Variants in DUSP14 observed in about 807,000 individuals in gnomAD.
DUSP14 encodes the protein dual specificity phosphatase 14, also known as dual specificity protein phosphatase 14.
Under a neutral mutation model 13.2 loss-of-function variants are expected in DUSP14, and 5 were observed. The ratio of observed to expected loss-of-function variants is 0.38; its 90% CI spans 0.20 to 0.80. The LOEUF (loss-of-function observed/expected upper bound fraction) is 0.80. Among genes scored for constraint, DUSP14 ranks in the 30% least tolerant of loss-of-function variants. The pLI, the probability that DUSP14 is intolerant of heterozygous loss-of-function variation, is 0.44. For synonymous variants in DUSP14, 91 were observed against 103.4 expected (o/e 0.88, Z 0.73); for missense variants, 185 against 264.0 (o/e 0.70, Z 2.07).
At chr17:37,498,045 C>CAAA in intron 1 of DUSP14, among the ~76,000 whole-genome samples, 1 of 116,912 alleles carries the variant, frequency 8.6e-6, no homozygotes, top group South Asian at 2.6e-4. Flanking sequence ...GACCCTGTCT[C>CAAA]AAAAAAAAAA....
chr17:37,503,851 C>A (rs1358886829), intron 1 of DUSP14, among the ~76,000 whole-genome samples: 1 of 152,034 alleles, frequency 6.6e-6, no homozygotes, highest in African/African-American at 2.4e-5. Flanking sequence ...GTGTACTGCC[C>A]CTCTCCTTCT....
rs938006168 is a variant in DUSP14, at chr17:37,512,928, G to C, written c.*59G>C. 1 of 1,401,404 alleles carries C rather than the reference G, an allele frequency of 7.1e-7. No individual in the cohort carries two copies. Among genetic ancestry groups the C allele is most frequent in the Non-Finnish European group, 9.9e-7 (1 of 1,013,754 alleles). 86.8% of individuals were successfully genotyped at this position (1,401,404 alleles called of 1,614,324 possible). On this transcript the variant is annotated 3_prime_UTR_variant, in exon 3 of 3. Coordinates refer to ENST00000617516, the MANE Select transcript of DUSP14 (RefSeq NM_007026.4). This position sits in a 1 kb window ranked among gnomAD's most constrained non-coding sequence, Gnocchi z 4.8. The stretch of plus-strand genomic sequence containing the variant: ...GGCCGGCATCTGCTCCCCGCCGTCT[G>C]CTCCCTCTCCACTCTCTTCTCAAAT...
intron 1 of DUSP14, among the ~76,000 whole-genome samples, chr17:37,497,690 G>A (rs1209588111): frequency 1.3e-5 from 2 of 151,564 alleles, no homozygotes; most frequent in Non-Finnish European, 2.9e-5. Context: ...AGCTCAGGAG[G>A]TCGAGGCTGC....
Position 37,512,560 on chromosome 17 carries a change from G to A in DUSP14, c.288G>A (p.Lys96=), listed in dbSNP as rs767582089. 4.4e-5 allele frequency: 71 copies of A among 1,614,082 alleles called. No homozygotes were observed. Among genetic ancestry groups the A allele is most frequent in the Non-Finnish European group, 6.0e-5 (71 of 1,180,050 alleles). Residue 96 remains lysine (K), a synonymous_variant, in exon 3 of 3, where the codon AAG becomes AAA. Coordinates refer to ENST00000617516, the MANE Select transcript of DUSP14 (RefSeq NM_007026.4). The surrounding 1 kb of genome is among the most constrained non-coding windows in gnomAD (Gnocchi z 4.8). The stretch of plus-strand genomic sequence containing the variant: ...TGTACTTTGACACCGTGGCTGACAA[G>A]ATCCACAGTGTGAGCAGGAAGCACG... ...IGLYFDTVAD[K]IHSVSRKHGA... is the part of the protein sequence containing the mutation.
At chr17:37,503,309 C>T (rs1322079990) in intron 1 of DUSP14, among the ~76,000 whole-genome samples, 1 of 152,154 alleles carries the variant, frequency 6.6e-6, no homozygotes, top group Non-Finnish European at 1.5e-5. Flanking sequence ...CCTGTGGTTC[C>T]AGCAACGTGA....
Position 37,513,093 on chromosome 17 carries a change from T to C in DUSP14, c.*224T>C. 1 of 545,330 alleles carries C rather than the reference T, an allele frequency of 1.8e-6. No individual in the cohort carries two copies. The highest frequency in any genetic ancestry group is 3.3e-6 in the Non-Finnish European group (1 of 302,252). The allele number at this position is 545,330 out of a possible 1,614,324, so 33.8% of individuals were successfully genotyped here. ...AAAATTAACATTTTGGAATAGTGTT[T>C]ATGGAAATCTTTAGCTTTTAATCAT... On this transcript the variant is annotated 3_prime_UTR_variant, in exon 3 of 3. Transcript: ENST00000617516.
intron 1 of DUSP14, among the ~76,000 whole-genome samples, chr17:37,497,112 C>T (rs2054070970): frequency 6.6e-6 from 1 of 151,744 alleles, no homozygotes; most frequent in South Asian, 2.1e-4. Context: ...TGGTACATTT[C>T]CTTCCAACTC....
upstream of DUSP14, among the ~76,000 whole-genome samples, chr17:37,489,175 C>T (rs1010488881): frequency 1.2e-4 from 18 of 152,334 alleles, no homozygotes; most frequent in African/African-American, 4.1e-4. Flanking sequence ...CAAATGAGCC[C>T]TCAAATGCCC....
intron 1 of DUSP14, among the ~76,000 whole-genome samples, chr17:37,498,607 T>C (rs1016627218): frequency 6.6e-6 from 1 of 151,882 alleles, no homozygotes; most frequent in African/African-American, 2.4e-5. Flanking sequence ...ATTACAGGCG[T>C]GAGCCACCGC....
At position 37,513,130 on chromosome 17, in the gene DUSP14, T is replaced by C. The variant is rs902127644; in HGVS notation, c.*261T>C. On this transcript the variant is annotated 3_prime_UTR_variant, in exon 3 of 3. Transcript: ENST00000617516. ...TAGCTTTTAATCATTTTTACCAATT[T>C]GAACAGTTTAATAAACTGGTTCTGC... is the stretch of plus-strand genomic sequence containing the variant. The C allele has an allele frequency of 5.8e-6, 3 of 514,268 alleles. No homozygotes were observed. Among genetic ancestry groups the C allele is most frequent in the African/African-American group, 3.8e-5 (2 of 52,018 alleles). 31.9% of individuals were successfully genotyped at this position (514,268 alleles called of 1,614,324 possible). A position where few individuals can be genotyped will look rare whatever the true frequency, so the allele number is the denominator to read the frequency against.
At chr17:37,503,540 G>A (rs983493720) in intron 1 of DUSP14, among the ~76,000 whole-genome samples, 27 of 152,246 alleles carry the variant, frequency 1.8e-4, no homozygotes, top group African/African-American at 6.3e-4. Context: ...TCAGCAGGGT[G>A]TTGACCGCAT....
chr17:37,495,716 G>A (rs1036133366), intron 1 of DUSP14, among the ~76,000 whole-genome samples: 2 of 151,818 alleles, frequency 1.3e-5, no homozygotes, highest in Non-Finnish European at 2.9e-5. Flanking sequence ...CTGGAGTGCA[G>A]TGGCGCGATC....
Position 37,512,543 on chromosome 17 carries a change from G to A in DUSP14, c.271G>A (p.Asp91Asn). The A allele has an allele frequency of 6.2e-7, 1 of 1,614,190 alleles. No individual in the cohort carries two copies. Among genetic ancestry groups the A allele is most frequent in the Non-Finnish European group, 8.5e-7 (1 of 1,180,044 alleles). ...GCATGCCCCCATTGGACTGTACTTT[G>A]ACACCGTGGCTGACAAGATCCACAG... ...MPHAPIGLYF[D>N]TVADKIHSVS... The change falls in exon 3 of 3, where the codon GAC becomes AAC. Residue 91 changes from aspartate to asparagine, a missense_variant. By Grantham distance (23) the Asp-to-Asn change is conservative. Coordinates refer to ENST00000617516, the MANE Select transcript of DUSP14 (RefSeq NM_007026.4). The surrounding 1 kb of genome is among the most constrained non-coding windows in gnomAD (Gnocchi z 4.8).
At chr17:37,511,678 C>T (rs919822612) in intron 2 of DUSP14, among the ~76,000 whole-genome samples, 4 of 149,900 alleles carry the variant, frequency 2.7e-5, no homozygotes, top group African/African-American at 9.9e-5. Flanking sequence ...GCCTCGACCT[C>T]CCAGGCTCAA....
At chr17:37,490,604 ATGT>A (rs2054021148) in intron 1 of DUSP14, among the ~76,000 whole-genome samples, 1 of 152,022 alleles carries the variant, frequency 6.6e-6, no homozygotes, top group Admixed American at 6.6e-5. Context: ...ATTTAGGTGG[ATGT>A]TGCCAGTGGT....
chr17:37,512,702 C>T lies in DUSP14; in HGVS notation c.430C>T (p.Arg144Trp), dbSNP rs1245162895. 2.5e-6 allele frequency: 4 copies of T among 1,613,964 alleles called. No individual in the cohort carries two copies. The highest frequency in any genetic ancestry group is 1.7e-5 in the Admixed American group (1 of 60,004). ...LLEAYNWVKA[R>W]RPVIRPNVGF... Reference sequence around the variant, plus strand: ...GGAGGCGTACAACTGGGTGAAAGCCCGGCGACCTGTCATCAGGCCCAACGT... The same window carrying T: ...GGAGGCGTACAACTGGGTGAAAGCCTGGCGACCTGTCATCAGGCCCAACGT... Residue 144 changes from arginine (R) to tryptophan (W), a missense_variant, in exon 3 of 3, where the codon CGG becomes TGG. Coordinates refer to ENST00000617516, the MANE Select transcript of DUSP14 (RefSeq NM_007026.4). This position sits in a 1 kb window ranked among gnomAD's most constrained non-coding sequence, Gnocchi z 4.8.
chr17:37,509,133 A>ATATATATATATG (rs1195715658), intron 1 of DUSP14, among the ~76,000 whole-genome samples: 9 of 35,264 alleles, frequency 2.6e-4, no homozygotes, highest in East Asian at 6.9e-4. Context: ...ATATATACAC[A>ATATATATATATG]CACACACACA....
chr17:37,512,885 C>T lies in DUSP14; in HGVS notation c.*16C>T, dbSNP rs754723244. The T allele has an allele frequency of 3.2e-6, 5 of 1,582,304 alleles. No individual in the cohort carries two copies. In the East Asian group the frequency reaches 6.8e-5, roughly 22 times the overall value. ...GGGGATTTAGTGCCACTGAAGCCTG[C>T]GTCAGCAGCCCGAGCGGGGCCGGCA... On this transcript the variant is annotated 3_prime_UTR_variant, in exon 3 of 3. Transcript: ENST00000617516. The surrounding 1 kb of genome is among the most constrained non-coding windows in gnomAD (Gnocchi z 4.8).
intron 1 of DUSP14, among the ~76,000 whole-genome samples, chr17:37,505,571 C>T (rs1235368571): frequency 6.6e-6 from 1 of 150,870 alleles, no homozygotes; most frequent in Non-Finnish European, 1.5e-5. Flanking sequence ...CTGCTGTTGA[C>T]TGAACATGAA....
Sources: allele counts gnomAD v4.1 joint callset (sites outside exome capture counted in the v4.1 genomes callset), GRCh38; gene constraint gnomAD v4.1.1; non-coding constraint Gnocchi (gnomAD v3.1); transcripts MANE v1.5; gene names NCBI Gene and HGNC (gene_info 2026-07-23, HGNC 2026-07-21).